Variants in CTNNA2 observed in about 807,000 individuals in gnomAD.
The protein encoded by CTNNA2 is catenin alpha-2.
A neutral mutation model predicts 101.0 loss-of-function variants in CTNNA2; 42 were observed. The ratio of observed to expected loss-of-function variants is 0.42; its 90% CI spans 0.32 to 0.54. The LOEUF is 0.54. CTNNA2 is among the 20% of genes least tolerant of loss of function. The probability of loss-of-function intolerance (pLI) is 0.14; values close to 1 mark genes in which losing one functional copy is unlikely to be tolerated. For synonymous variants in CTNNA2, 450 were observed against 456.4 expected, an observed-to-expected ratio of 0.99 and a Z score of 0.18; for missense variants, 871 against 1,223.1, an observed-to-expected ratio of 0.71 and a Z score of 4.29.
chr2:79,623,540 A>G (rs938275949), intron 1 of CTNNA2, among the ~76,000 whole-genome samples: 4 of 152,194 alleles, frequency 2.6e-5, no homozygotes, highest in African/African-American at 9.7e-5. Flanking sequence ...ATTTGCATGA[A>G]TTTGATGTAG....
intron 7 of CTNNA2, among the ~76,000 whole-genome samples, chr2:80,235,369 C>T (rs1036105168): frequency 5.9e-5 from 9 of 152,132 alleles, no homozygotes; most frequent in Non-Finnish European, 4.4e-5. Flanking sequence ...TCCAAGTATT[C>T]GGGCTGTTTC....
intron 7 of CTNNA2, among the ~76,000 whole-genome samples, chr2:80,070,844 C>T (rs1698295315): frequency 6.6e-6 from 1 of 152,140 alleles, no homozygotes; most frequent in South Asian, 2.1e-4. Context: ...CTGGTGGCTA[C>T]CTACATTCCT....
At chr2:79,702,470 T>G (rs1685078306) in intron 2 of CTNNA2, among the ~76,000 whole-genome samples, 2 of 152,154 alleles carry the variant, frequency 1.3e-5, no homozygotes, top group Admixed American at 1.3e-4. Flanking sequence ...AAAAAAAGTG[T>G]GCTGACTCCT....
At chr2:79,290,428 A>G (rs935268552) in intron 2 of CTNNA2, among the ~76,000 whole-genome samples, 1 of 152,102 alleles carries the variant, frequency 6.6e-6, no homozygotes, top group Admixed American at 6.5e-5. Flanking sequence ...CCCTGTGCCC[A>G]CGGACCTAGG....
chr2:80,457,002 C>G, intron 9 of CTNNA2, among the ~76,000 whole-genome samples: 1 of 152,106 alleles, frequency 6.6e-6, no homozygotes, highest in Non-Finnish European at 1.5e-5. Context: ...ATGTTTTCAA[C>G]ACGAAAGAAT....
At chr2:80,577,198 C>A (rs1455422367) in intron 13 of CTNNA2, among the ~76,000 whole-genome samples, 1 of 152,136 alleles carries the variant, frequency 6.6e-6, no homozygotes, top group Non-Finnish European at 1.5e-5. Context: ...TCTCTACCCT[C>A]ACAGGATTTC....
chr2:80,187,627 T>C (rs1706213663), intron 7 of CTNNA2, among the ~76,000 whole-genome samples: 1 of 152,150 alleles, frequency 6.6e-6, no homozygotes, highest in Non-Finnish European at 1.5e-5. Context: ...CATTGAACTT[T>C]ACAAGGCAAA....
At chr2:79,283,229 G>C (rs1402372008) in intron 2 of CTNNA2, among the ~76,000 whole-genome samples, 8 of 105,840 alleles carry the variant, frequency 7.6e-5, no homozygotes, top group East Asian at 4.0e-4. Flanking sequence ...TCTGATGGTA[G>C]TTTCTTTTGC....
intron 9 of CTNNA2, among the ~76,000 whole-genome samples, chr2:80,448,109 A>G (rs530081622): frequency 5.4e-4 from 83 of 152,322 alleles, no homozygotes; most frequent in African/African-American, 1.8e-3. Flanking sequence ...TCTTGCTTTA[A>G]TAACACCTTT....
intron 7 of CTNNA2, among the ~76,000 whole-genome samples, chr2:80,350,448 A>G (rs1346751276): frequency 6.6e-6 from 1 of 152,188 alleles, no homozygotes; most frequent in Non-Finnish European, 1.5e-5. Context: ...AATTATGTAG[A>G]CATGTCAGTG....
intron 1 of CTNNA2, among the ~76,000 whole-genome samples, chr2:79,622,075 C>T (rs1351224388): frequency 2.0e-5 from 3 of 152,154 alleles, no homozygotes; most frequent in Admixed American, 6.5e-5. Flanking sequence ...TAGACAAAAA[C>T]TGAGGAAATC....
intron 8 of CTNNA2, among the ~76,000 whole-genome samples, chr2:80,414,023 A>T (rs1469200899): frequency 6.6e-6 from 1 of 152,216 alleles, no homozygotes; most frequent in African/African-American, 2.4e-5. Context: ...CTTGGGTGTT[A>T]ACTTTTATTT....
intron 7 of CTNNA2, among the ~76,000 whole-genome samples, chr2:80,352,927 A>T (rs879033930): frequency 1.1e-4 from 16 of 152,152 alleles, no homozygotes; most frequent in Admixed American, 7.2e-4. Flanking sequence ...TAAAAAAAAA[A>T]AATAAAGATT....
At chr2:80,002,251 A>T (rs1395688171) in intron 7 of CTNNA2, among the ~76,000 whole-genome samples, 1 of 152,202 alleles carries the variant, frequency 6.6e-6, no homozygotes, top group Non-Finnish European at 1.5e-5. Flanking sequence ...ATGCCTAAGC[A>T]TTGATTTAGA....
At chr2:80,592,005 GA>G (rs1314654955) in intron 15 of CTNNA2, among the ~76,000 whole-genome samples, 1 of 152,104 alleles carries the variant, frequency 6.6e-6, no homozygotes, top group Non-Finnish European at 1.5e-5. Flanking sequence ...TTTTCAGAAA[GA>G]AATCGCATGT....
At chr2:79,981,168 A>G (rs550488414) in intron 7 of CTNNA2, among the ~76,000 whole-genome samples, 2 of 152,328 alleles carry the variant, frequency 1.3e-5, no homozygotes, top group South Asian at 4.1e-4. Flanking sequence ...AAGCATGGAA[A>G]TAAATGATAC....
At chr2:80,096,568 T>G (rs1472374635) in intron 7 of CTNNA2, among the ~76,000 whole-genome samples, 7 of 152,292 alleles carry the variant, frequency 4.6e-5, no homozygotes, top group Middle Eastern at 3.4e-3. Flanking sequence ...CCTTGTTAAC[T>G]TTCTGTCTTG....
chr2:79,674,877 G>A (rs370496042), intron 2 of CTNNA2, among the ~76,000 whole-genome samples: 1 of 152,252 alleles, frequency 6.6e-6, no homozygotes, highest in African/African-American at 2.4e-5. Context: ...TTTATTGTCA[G>A]TTGAGTTTAT....
intron 7 of CTNNA2, among the ~76,000 whole-genome samples, chr2:80,043,935 A>C (rs567356527): frequency 6.6e-6 from 1 of 152,320 alleles, no homozygotes; most frequent in South Asian, 2.1e-4. Context: ...GCATGTATGC[A>C]CACTCATGTT....
Sources: gnomAD v4.1 joint callset for allele counts (sites outside exome capture counted in the v4.1 genomes callset) on GRCh38, gnomAD v4.1.1 for gene constraint, MANE v1.5 for transcripts, NCBI Gene and HGNC (gene_info 2026-07-23, HGNC 2026-07-21) for gene names.